EYS: variants seen among roughly 807,000 people sequenced by gnomAD.
EYS encodes the protein protein eyes shut homolog.
Under a neutral mutation model 282.1 loss-of-function variants are expected in EYS, and 250 were observed. The ratio of observed to expected loss-of-function variants is 0.89; its 90% CI spans 0.80 to 0.98. The LOEUF is 0.98. Among genes scored for constraint, EYS ranks in the 50% least tolerant of loss-of-function variants. EYS has a pLI of 0.00. For synonymous variants in EYS, 1,355 were observed against 1,282.9 expected (o/e 1.06, Z -1.20); for missense variants, 4,016 against 3,709.0 (o/e 1.08, Z -2.15).
chr6:64,014,785 T>A (rs79831694), intron 33 of EYS, among the ~76,000 whole-genome samples: 340 of 118,036 alleles, frequency 2.9e-3, no homozygotes, highest in African/African-American at 7.7e-3. Context: ...TTTTATTTTT[T>A]TTTTTTTTGG....
intron 22 of EYS, among the ~76,000 whole-genome samples, chr6:64,663,358 A>G (rs1004540780): frequency 7.7e-5 from 9 of 117,440 alleles, no homozygotes; most frequent in African/African-American, 3.1e-4. Flanking sequence ...TGGTAACACC[A>G]TTAATTGGAC....
At chr6:64,176,344 C>T (rs931493359) in intron 31 of EYS, among the ~76,000 whole-genome samples, 1 of 151,966 alleles carries the variant, frequency 6.6e-6, no homozygotes, top group African/African-American at 2.4e-5. Flanking sequence ...GAAGAAGTAA[C>T]AGGTGGGAGC....
intron 31 of EYS, among the ~76,000 whole-genome samples, chr6:64,145,161 T>A (rs918860000): frequency 2.0e-5 from 3 of 152,208 alleles, no homozygotes; most frequent in Non-Finnish European, 4.4e-5. Context: ...CTAATATAGT[T>A]CCTTGCCTTT....
chr6:64,475,000 T>C (rs1776218093), intron 26 of EYS, among the ~76,000 whole-genome samples: 1 of 152,210 alleles, frequency 6.6e-6, no homozygotes. Flanking sequence ...CATGAGGCAA[T>C]GGCCAACGGG....
intron 31 of EYS, among the ~76,000 whole-genome samples, chr6:64,101,881 T>C (rs1772841072): frequency 6.6e-6 from 1 of 151,742 alleles, no homozygotes; most frequent in South Asian, 2.1e-4. Flanking sequence ...CTGGGGGTGA[T>C]GTATTAGATT....
At chr6:64,208,016 T>A (rs1186819085) in intron 31 of EYS, among the ~76,000 whole-genome samples, 2 of 152,186 alleles carry the variant, frequency 1.3e-5, no homozygotes, top group East Asian at 3.8e-4. Context: ...TGTACAGATC[T>A]CAAAATTTTT....
At chr6:64,098,702 G>A (rs1345658995) in intron 31 of EYS, among the ~76,000 whole-genome samples, 1 of 151,584 alleles carries the variant, frequency 6.6e-6, no homozygotes, top group African/African-American at 2.4e-5. Context: ...TGGGGTTCAA[G>A]CCATTCTCCT....
chr6:64,481,397 T>C (rs975200000), intron 26 of EYS, among the ~76,000 whole-genome samples: 19 of 148,506 alleles, frequency 1.3e-4, no homozygotes, highest in African/African-American at 4.2e-4. Context: ...GTTAACTCTG[T>C]TGCAGAGTGA....
intron 26 of EYS, among the ~76,000 whole-genome samples, chr6:64,458,054 G>A (rs1008224697): frequency 6.6e-6 from 1 of 151,676 alleles, no homozygotes; most frequent in African/African-American, 2.4e-5. Flanking sequence ...TCAGAAAAAA[G>A]AAATCTCTAC....
intron 2 of EYS, among the ~76,000 whole-genome samples, chr6:65,581,215 T>C (rs1490877204): frequency 6.6e-6 from 1 of 152,036 alleles, no homozygotes; most frequent in Non-Finnish European, 1.5e-5. Context: ...ACCCCATCCT[T>C]TATTAAATAT....
Position 64,800,986 on chromosome 6 carries a change from G to A in EYS, c.3443+12392C>T, listed in dbSNP as rs142389520. Among the ~76,000 whole-genome samples, 109 of 151,802 alleles carry A rather than the reference G, an allele frequency of 7.2e-4. 1 individual carries two copies. Among genetic ancestry groups the A allele is most frequent in the Middle Eastern group, 3.4e-3 (1 of 292 alleles). On this transcript the variant is annotated intron_variant, in intron 22 of 42. Coordinates refer to ENST00000503581, the MANE Select transcript of EYS (RefSeq NM_001142800.2). Reference sequence around the variant, plus strand: ...AGTGTTCAAAATTACTATTTTTTACGCCCCTCTCATCTGAATGAACTGTCT... The same window carrying A: ...AGTGTTCAAAATTACTATTTTTTACACCCCTCTCATCTGAATGAACTGTCT...
chr6:65,371,338 T>A (rs1251938808), intron 8 of EYS, among the ~76,000 whole-genome samples: 2 of 151,756 alleles, frequency 1.3e-5, no homozygotes, highest in East Asian at 3.9e-4. Context: ...ATCCATGAAG[T>A]ATCCAAGTGG....
At chr6:64,943,623 C>A (rs1769174931) in intron 15 of EYS, among the ~76,000 whole-genome samples, 1 of 151,700 alleles carries the variant, frequency 6.6e-6, no homozygotes. Context: ...AACAAACAAA[C>A]AAAAAAGCAA....
At chr6:65,513,247 T>G (rs1045990672) in intron 2 of EYS, among the ~76,000 whole-genome samples, 19 of 152,074 alleles carry the variant, frequency 1.2e-4, no homozygotes, top group African/African-American at 4.3e-4. Flanking sequence ...CAGGAAGAAG[T>G]TGAATCTCTG....
At chr6:65,587,705 T>A (rs1436020782) in intron 2 of EYS, among the ~76,000 whole-genome samples, 1 of 151,996 alleles carries the variant, frequency 6.6e-6, no homozygotes, top group East Asian at 1.9e-4. Context: ...GTATTTGGAG[T>A]TAAGAGTTAA....
At chr6:64,736,624 T>C (rs1302523721) in intron 22 of EYS, among the ~76,000 whole-genome samples, 4 of 152,214 alleles carry the variant, frequency 2.6e-5, no homozygotes, top group Non-Finnish European at 4.4e-5. Flanking sequence ...GTAGAGTCTT[T>C]CCTGGTAAGT....
At chr6:64,300,267 A>AG (rs1769187781) in intron 30 of EYS, among the ~76,000 whole-genome samples, 1 of 152,158 alleles carries the variant, frequency 6.6e-6, no homozygotes, top group Non-Finnish European at 1.5e-5. Flanking sequence ...CCCCAGGCCG[A>AG]CAGGGGCCGC....
chr6:65,565,899 T>G (rs12198506), intron 2 of EYS, among the ~76,000 whole-genome samples: 83,756 of 151,458 alleles, frequency 0.55, 23,127 homozygotes, highest in East Asian at 0.7. Context: ...GTTGAACAAT[T>G]AGAACATACG....
At chr6:65,025,677 G>T (rs1224678039) in intron 13 of EYS, among the ~76,000 whole-genome samples, 1 of 152,112 alleles carries the variant, frequency 6.6e-6, no homozygotes, top group African/African-American at 2.4e-5. Context: ...TTGCCCCACT[G>T]CCCTCCAGCC....
Sources: gnomAD v4.1 joint callset for allele counts (sites outside exome capture counted in the v4.1 genomes callset) on GRCh38, gnomAD v4.1.1 for gene constraint, MANE v1.5 for transcripts, NCBI Gene and HGNC (gene_info 2026-07-23, HGNC 2026-07-21) for gene names.